The following ERBB4 variants were observed in gnomAD, a reference collection of about 807,000 sequenced individuals.
ERBB4 encodes erb-b2 receptor tyrosine kinase 4.
ERBB4 carries 42 observed loss-of-function variants against 158.0 expected under a neutral mutation model. That is an observed-to-expected ratio of 0.27 (90% confidence interval 0.21 to 0.34). The LOEUF (loss-of-function observed/expected upper bound fraction) is 0.34. Among genes scored for constraint, ERBB4 ranks in the 10% least tolerant of loss-of-function variants. ERBB4 has a pLI of 1.00. For synonymous variants in ERBB4, 583 were observed against 558.7 expected, an observed-to-expected ratio of 1.04 and a Z score of -0.61; for missense variants, 1,333 against 1,624.1, an observed-to-expected ratio of 0.82 and a Z score of 3.08.
chr2:211,911,103 T>C (rs2079530120), intron 3 of ERBB4, among the ~76,000 whole-genome samples: 1 of 152,198 alleles, frequency 6.6e-6, no homozygotes, highest in Non-Finnish European at 1.5e-5. Context: ...CCTTTATTTA[T>C]TTAGGTAAGG....
rs377533240 is a variant in ERBB4, at chr2:211,657,121, T to C, written c.1946+633A>G. 1.5e-4 allele frequency among the ~76,000 whole-genome samples: 23 copies of C among 152,306 alleles called. No individual in the cohort carries two copies. The South Asian group carries it at 4.8e-3, about 32-fold the overall frequency. ...TAAACTTCTGCAAATTCCTTACTTATAAATATTTTTGTAATCATCTATTGA... is the reference window on the plus strand; with the variant it reads ...TAAACTTCTGCAAATTCCTTACTTACAAATATTTTTGTAATCATCTATTGA... On this transcript the variant is annotated intron_variant, in intron 16 of 27. Coordinates refer to ENST00000342788, the MANE Select transcript of ERBB4 (RefSeq NM_005235.3).
chr2:212,423,014 A>G (rs934183274), intron 1 of ERBB4, among the ~76,000 whole-genome samples: 2 of 152,208 alleles, frequency 1.3e-5, no homozygotes, highest in African/African-American at 4.8e-5. Flanking sequence ...TATGAATTCT[A>G]TATTCCATAT....
At chr2:211,946,971 G>T (rs13401746) in intron 3 of ERBB4, among the ~76,000 whole-genome samples, 2 of 151,910 alleles carry the variant, frequency 1.3e-5, no homozygotes, top group Admixed American at 6.6e-5. Context: ...CTGAATAAGA[G>T]AAATCAAAAC....
chr2:211,806,561 C>A (rs1332357597), intron 3 of ERBB4, among the ~76,000 whole-genome samples: 2 of 151,954 alleles, frequency 1.3e-5, no homozygotes, highest in Admixed American at 6.6e-5. Context: ...CAGGAAGTAA[C>A]TAAAGAGAAG....
rs565393459 is a variant in ERBB4, at chr2:212,443,585, T to C, written c.82+94864A>G. Among the ~76,000 whole-genome samples the C allele has an allele frequency of 5.9e-5, 9 of 152,286 alleles. No homozygotes were observed. In the East Asian group the frequency reaches 1.7e-3, roughly 29 times the overall value. On this transcript the variant is annotated intron_variant, in intron 1 of 27. Transcript: ENST00000342788. ...GGGTGTGTTACTCCGGCCAATTTAT[T>C]GAATGACCAAAAGGCTGCCAGTTTT... is the stretch of plus-strand genomic sequence containing the variant.
At chr2:212,200,122 A>G (rs2082549286) in intron 1 of ERBB4, among the ~76,000 whole-genome samples, 1 of 152,214 alleles carries the variant, frequency 6.6e-6, no homozygotes. Context: ...CTCACAAATC[A>G]GTAATGGTCT....
intron 2 of ERBB4, among the ~76,000 whole-genome samples, chr2:212,042,986 T>C (rs2077175753): frequency 6.6e-6 from 1 of 152,190 alleles, no homozygotes; most frequent in Non-Finnish European, 1.5e-5. Context: ...CAGCTTAGTT[T>C]CTTTAGCTGT....
intron 1 of ERBB4, among the ~76,000 whole-genome samples, chr2:212,164,516 C>T (rs2081291615): frequency 6.6e-6 from 1 of 151,736 alleles, no homozygotes; most frequent in African/African-American, 2.4e-5. Flanking sequence ...TACAATGTAT[C>T]CTTAACTTTG....
chr2:211,758,363 A>G (rs1219512406), intron 4 of ERBB4, among the ~76,000 whole-genome samples: 1 of 152,198 alleles, frequency 6.6e-6, no homozygotes, highest in African/African-American at 2.4e-5. Context: ...TGGAAAAGTC[A>G]TATGTTAATA....
At chr2:211,767,596 T>C (rs976344734) in intron 4 of ERBB4, among the ~76,000 whole-genome samples, 8 of 152,114 alleles carry the variant, frequency 5.3e-5, no homozygotes, top group African/African-American at 1.9e-4. Context: ...CTTACAGTCA[T>C]GGCGGAAGGG....
chr2:211,798,702 T>C (rs2076434465), intron 3 of ERBB4, among the ~76,000 whole-genome samples: 1 of 152,104 alleles, frequency 6.6e-6, no homozygotes, highest in South Asian at 2.1e-4. Context: ...AATGAAAACC[T>C]TTGAGAGATA....
chr2:211,786,191 G>T (rs1253375782), intron 4 of ERBB4, among the ~76,000 whole-genome samples: 2 of 152,054 alleles, frequency 1.3e-5, no homozygotes, highest in Non-Finnish European at 2.9e-5. Context: ...ATTGGTTGGT[G>T]GTATGTAGTT....
At chr2:211,956,054 G>A (rs1015597602) in intron 2 of ERBB4, among the ~76,000 whole-genome samples, 1 of 151,528 alleles carries the variant, frequency 6.6e-6, no homozygotes, top group African/African-American at 2.4e-5. Flanking sequence ...GTGTGTGTGT[G>A]TGTGTGTGTA....
At chr2:212,073,432 C>A (rs1210085679) in intron 2 of ERBB4, among the ~76,000 whole-genome samples, 1 of 151,876 alleles carries the variant, frequency 6.6e-6, no homozygotes, top group East Asian at 1.9e-4. Context: ...TAATAAGGGT[C>A]TTGACAGGGA....
At chr2:212,491,952 C>G (rs1246312314) in intron 1 of ERBB4, among the ~76,000 whole-genome samples, 2 of 151,358 alleles carry the variant, frequency 1.3e-5, no homozygotes, top group African/African-American at 4.8e-5. Flanking sequence ...ACACAATGTT[C>G]CATACAAAGA....
intron 20 of ERBB4, among the ~76,000 whole-genome samples, chr2:211,544,235 T>C (rs969827446): frequency 1.3e-5 from 2 of 152,082 alleles, no homozygotes; most frequent in Non-Finnish European, 2.9e-5. Flanking sequence ...TTGACATACA[T>C]AGTCTGTGCT....
At chr2:211,975,020 G>A (rs2081565330) in intron 2 of ERBB4, among the ~76,000 whole-genome samples, 1 of 151,794 alleles carries the variant, frequency 6.6e-6, no homozygotes, top group Admixed American at 6.6e-5. Flanking sequence ...GCCTTGCTCT[G>A]TCACTCAGGC....
In ERBB4 at chr2:212,254,136, C is replaced by T. The variant is rs2084639053; in HGVS notation, c.83-129233G>A. Among the ~76,000 whole-genome samples the T allele has an allele frequency of 2.0e-5, 3 of 151,108 alleles. No individual in the cohort carries two copies. The South Asian group carries it at 6.3e-4, about 32-fold the overall frequency. ...TTAGTTGATTATCAATATGTATATT[C>T]CTAGAAGACCATATAAATAACATAC... On this transcript the variant is annotated intron_variant, in intron 1 of 27. Coordinates refer to ENST00000342788, the MANE Select transcript of ERBB4 (RefSeq NM_005235.3).
At chr2:212,291,068 T>C (rs1464071282) in intron 1 of ERBB4, among the ~76,000 whole-genome samples, 1 of 152,048 alleles carries the variant, frequency 6.6e-6, no homozygotes, top group African/African-American at 2.4e-5. Context: ...CCAACACACA[T>C]TGCCCAATAA....
Sources: allele counts gnomAD v4.1 joint callset (sites outside exome capture counted in the v4.1 genomes callset), GRCh38; gene constraint gnomAD v4.1.1; transcripts MANE v1.5; gene names NCBI Gene and HGNC (gene_info 2026-07-23, HGNC 2026-07-21).